The following SNX9 variants were observed in gnomAD, a reference collection of about 807,000 sequenced individuals.
The protein encoded by SNX9 is sorting nexin-9.
A neutral mutation model predicts 89.4 loss-of-function variants in SNX9; 44 were observed. The observed-to-expected ratio is 0.49, with a 90% CI of 0.39 to 0.63. SNX9 has a LOEUF of 0.63. Ranked by LOEUF, SNX9 falls within the 30% of genes least tolerant of loss-of-function variation. SNX9 has a pLI of 0.00. For missense variants in SNX9, 578 were observed against 736.1 expected (o/e 0.79, Z 2.49); for synonymous variants, 236 against 247.8 (o/e 0.95, Z 0.45).
rs1289327538 is a variant in SNX9, at chr6:157,826,721, C to T, written c.12+3275C>T. 1.6e-5 allele frequency among the ~76,000 whole-genome samples: 2 copies of T among 124,186 alleles called. 1 individual carries two copies. The highest frequency in any genetic ancestry group is 8.8e-5 in the African/African-American group (2 of 22,712). 81.5% of individuals were successfully genotyped at this position (124,186 alleles called of 152,430 possible). ...AAGCCTCCAAAGGTTATATTTCGAC[C>T]CAGCCAAAATATAACCTATTTATAT... On this transcript the variant is annotated intron_variant, in intron 1 of 17. Coordinates refer to ENST00000392185, the MANE Select transcript of SNX9 (RefSeq NM_016224.5).
intron 3 of SNX9, 22 bp from the exon 4 acceptor site, chr6:157,875,029 T>C: frequency 6.2e-7 from 1 of 1,612,240 alleles, no homozygotes. Context: ...TGAAAATAAT[T>C]GCGGCTCTTT....
At chr6:157,916,546 G>C (rs1452194846) in intron 9 of SNX9, among the ~76,000 whole-genome samples, 3 of 152,206 alleles carry the variant, frequency 2.0e-5, no homozygotes, top group Non-Finnish European at 4.4e-5. Flanking sequence ...CATTAACTAT[G>C]ATGTTAGCTG....
chr6:157,848,054 T>C (rs1781837695), intron 1 of SNX9, among the ~76,000 whole-genome samples: 1 of 152,156 alleles, frequency 6.6e-6, no homozygotes, highest in African/African-American at 2.4e-5. Flanking sequence ...TCGCATCACC[T>C]GATTAACTTC....
chr6:157,864,211 A>G (rs551072394), intron 1 of SNX9, among the ~76,000 whole-genome samples: 33 of 152,260 alleles, frequency 2.2e-4, no homozygotes, highest in Admixed American at 1.9e-3. Flanking sequence ...GTCCTGACAC[A>G]GCAGACGGGT....
chr6:157,906,226 T>C lies in SNX9; in HGVS notation c.705+14T>C. The C allele has an allele frequency of 1.3e-6, 2 of 1,599,352 alleles. No homozygotes were observed. The highest frequency in any genetic ancestry group is 1.7e-6 in the Non-Finnish European group (2 of 1,173,904). On this transcript the variant is annotated intron_variant, in intron 7 of 17. Transcript: ENST00000392185. ...ATTCCCATCATTGTAAGTTTGTTTA[T>C]TTTTGTTTGCTTTCTTTCTGATTAA...
At chr6:157,929,493 G>C (rs996866745) in intron 12 of SNX9, among the ~76,000 whole-genome samples, 1 of 152,086 alleles carries the variant, frequency 6.6e-6, no homozygotes, top group Non-Finnish European at 1.5e-5. Context: ...TTTATATCTG[G>C]TCTGCCCTTA....
Position 157,944,055 on chromosome 6 carries a change from C to T in SNX9, c.*1217C>T, listed in dbSNP as rs1784094845. On this transcript the variant is annotated 3_prime_UTR_variant, in exon 18 of 18. Coordinates refer to ENST00000392185, the MANE Select transcript of SNX9 (RefSeq NM_016224.5). ...TGTTTCTGAGCACCAGCACTTCCAG[C>T]GCTTCACTTAACGGCATAAAGCAAA... The T allele has an allele frequency of 6.6e-6, 1 of 152,318 alleles. No individual in the cohort carries two copies. The highest frequency in any genetic ancestry group is 6.5e-5 in the Admixed American group (1 of 15,282). The allele number at this position is 152,318 out of a possible 1,614,324, so 9.4% of individuals were successfully genotyped here. A position where few individuals can be genotyped will look rare whatever the true frequency, so the allele number is the denominator to read the frequency against.
chr6:157,881,979 G>A (rs1205242862), intron 4 of SNX9, among the ~76,000 whole-genome samples: 1 of 152,204 alleles, frequency 6.6e-6, no homozygotes, highest in Non-Finnish European at 1.5e-5. Context: ...CAGATTTTCA[G>A]AGCAGATGAA....
intron 4 of SNX9, among the ~76,000 whole-genome samples, chr6:157,896,263 T>C (rs1456601708): frequency 6.6e-6 from 1 of 152,226 alleles, no homozygotes; most frequent in Non-Finnish European, 1.5e-5. Context: ...ACTTTTATTG[T>C]TTGAATTTTT....
chr6:157,910,505 A>C (rs1783316653), intron 9 of SNX9, among the ~76,000 whole-genome samples: 1 of 152,200 alleles, frequency 6.6e-6, no homozygotes, highest in Non-Finnish European at 1.5e-5. Flanking sequence ...ATGAAGGAAG[A>C]AGCTGCCAGG....
chr6:157,894,717 C>T (rs1353031855), intron 4 of SNX9, among the ~76,000 whole-genome samples: 1 of 152,180 alleles, frequency 6.6e-6, no homozygotes, highest in Non-Finnish European at 1.5e-5. Context: ...TAAGACAAAA[C>T]CCCTCAGCGT....
chr6:157,866,481 G>A (rs531397950), intron 1 of SNX9, among the ~76,000 whole-genome samples: 1 of 152,296 alleles, frequency 6.6e-6, no homozygotes, highest in South Asian at 2.1e-4. Context: ...GGCTGAGGTG[G>A]GAGGATTGCT....
chr6:157,861,104 C>T (rs996510230), intron 1 of SNX9, among the ~76,000 whole-genome samples: 1 of 152,180 alleles, frequency 6.6e-6, no homozygotes, highest in African/African-American at 2.4e-5. Context: ...GAAAATTTTA[C>T]ATACAGAATA....
At chr6:157,855,973 G>A (rs535715144) in intron 1 of SNX9, among the ~76,000 whole-genome samples, 23 of 152,034 alleles carry the variant, frequency 1.5e-4, no homozygotes, top group Non-Finnish European at 2.2e-4. Context: ...GCTCTTGAAC[G>A]CCTGACCTCA....
In SNX9 at chr6:157,944,909, A is replaced by G. The variant is rs570797146; in HGVS notation, c.*2071A>G. 1 of 152,184 alleles carries G rather than the reference A, an allele frequency of 6.6e-6. No individual in the cohort carries two copies. The highest frequency in any genetic ancestry group is 1.5e-5 in the Non-Finnish European group (1 of 68,020). The allele number at this position is 152,184 out of a possible 1,614,324, so 9.4% of individuals were successfully genotyped here. On this transcript the variant is annotated 3_prime_UTR_variant, in exon 18 of 18. Transcript: ENST00000392185. ...ATCCACGGGATTTGATGCCTGGAAG[A>G]TTCTCCTTCAAGTGGCAACATGGCA...
chr6:157,831,162 C>T (rs953804554), intron 1 of SNX9, among the ~76,000 whole-genome samples: 3 of 152,164 alleles, frequency 2.0e-5, no homozygotes, highest in Non-Finnish European at 4.4e-5. Flanking sequence ...TTCAGCCATC[C>T]GTTTCTGCAC....
intron 1 of SNX9, among the ~76,000 whole-genome samples, chr6:157,847,956 GC>G (rs1382088369): frequency 5.9e-5 from 9 of 152,192 alleles, no homozygotes; most frequent in African/African-American, 2.2e-4. Context: ...TGGGCCTCCT[GC>G]CACCTCCCCA....
At chr6:157,894,136 GTC>G (rs1782925488) in intron 4 of SNX9, among the ~76,000 whole-genome samples, 2 of 114,576 alleles carry the variant, frequency 1.7e-5, no homozygotes, top group Admixed American at 9.6e-5. Flanking sequence ...TTGAGACAGA[GTC>G]TCTCTGTGTC....
intron 2 of SNX9, 146 bp downstream of exon 2, chr6:157,867,779 C>T (rs1388558255): frequency 4.6e-6 from 3 of 652,740 alleles, no homozygotes; most frequent in Non-Finnish European, 7.2e-6. Context: ...TCATTCAAAC[C>T]CACATGATTT....
Sources: allele counts gnomAD v4.1 joint callset (sites outside exome capture counted in the v4.1 genomes callset), GRCh38; gene constraint gnomAD v4.1.1; transcripts MANE v1.5; gene names NCBI Gene and HGNC (gene_info 2026-07-23, HGNC 2026-07-21).